Variants in SLC9B1 observed in about 807,000 individuals in gnomAD.
The protein encoded by SLC9B1 is solute carrier family 9 member B1, also known as sodium/hydrogen exchanger 9B1.
SLC9B1 carries 32 observed loss-of-function variants against 51.7 expected under a neutral mutation model. That is an observed-to-expected ratio of 0.62 (90% CI 0.47 to 0.83). The LOEUF is 0.83. SLC9B1 is among the 40% of genes least tolerant of loss of function. The pLI is 0.00. For missense variants in SLC9B1, 406 were observed against 613.2 expected (o/e 0.66, Z 3.57); for synonymous variants, 145 against 212.7 (o/e 0.68, Z 2.77).
At position 102,885,295 on chromosome 4, in the gene SLC9B1, G is replaced by A. The variant is rs199702688; in HGVS notation, c.1366C>T (p.Arg456Trp). The A allele has an allele frequency of 7.1e-5, 115 of 1,613,958 alleles. No individual in the cohort carries two copies. The highest frequency in any genetic ancestry group is 1.8e-4 in the East Asian group (8 of 44,856). Residue 456 changes from arginine (R) to tryptophan (W), a missense_variant, in exon 12 of 12, where the codon CGG becomes TGG. Transcript: ENST00000394789. ...ACCTTGCAGTTCGTCCATTCCTCCC[G>A]AAGAAGAAACAACAGAAGGATAGCT... is the stretch of plus-strand genomic sequence containing the variant.
At chr4:102,942,360 G>T (rs537763597) in intron 6 of SLC9B1, among the ~76,000 whole-genome samples, 15 of 152,008 alleles carry the variant, frequency 9.9e-5, no homozygotes, top group African/African-American at 3.6e-4. Flanking sequence ...AAAATAGCCC[G>T]CATAACCAAA....
intron 1 of SLC9B1, among the ~76,000 whole-genome samples, chr4:102,994,896 C>A (rs995398423): frequency 2.0e-5 from 3 of 152,134 alleles, no homozygotes; most frequent in African/African-American, 7.2e-5. Flanking sequence ...CCTCATTGTT[C>A]CACCCCTGAC....
In SLC9B1 at chr4:102,910,515, A is replaced by G. The variant is rs554816459; in HGVS notation, c.1010T>C (p.Ile337Thr). 24 of 1,561,262 alleles carry G rather than the reference A, an allele frequency of 1.5e-5. No individual in the cohort carries two copies. The East Asian group carries it at 5.4e-4, about 35-fold the overall frequency. Residue 337 changes from isoleucine (I) to threonine (T), a missense_variant, in exon 9 of 12, where the codon ATT (isoleucine) becomes ACT (threonine). Transcript: ENST00000296422. ...CVSAVLGSQR[I>T]GLHGSGGLCT... ...TAATCCTCCAGATCCATGTAAACCA[A>G]TACGTTGGCTGCCTAAGACGGCAGA...
Position 102,905,595 on chromosome 4 carries a change from A to G in SLC9B1, c.1251T>C (p.Tyr417=), listed in dbSNP as rs372980936. ...TAAAACCAGCAAAGCACATCAATAG[A>G]TATGTGGTTAAAATTCGAACACATA... ...LALCVRILTT[Y]LLMCFAGFSF... is the part of the protein sequence containing the mutation. The change falls in exon 11 of 12, where the codon TAT becomes TAC. Residue 417 remains tyrosine, a synonymous_variant. Transcript: ENST00000296422. 5.9e-5 allele frequency: 95 copies of G among 1,610,872 alleles called. No homozygotes were observed. Among genetic ancestry groups the G allele is most frequent in the Admixed American group, 2.5e-4 (15 of 59,964 alleles).
intron 6 of SLC9B1, among the ~76,000 whole-genome samples, chr4:102,939,406 CAAAAAA>C (rs56014819): frequency 8.8e-5 from 6 of 68,256 alleles, no homozygotes; most frequent in African/African-American, 3.5e-4. Flanking sequence ...GTCTCTGAGC[CAAAAAA>C]AAAAAAAAAA....
At chr4:103,013,173 T>C (rs970669205) in intron 1 of SLC9B1, among the ~76,000 whole-genome samples, 8 of 152,248 alleles carry the variant, frequency 5.3e-5, no homozygotes, top group Admixed American at 4.6e-4. Flanking sequence ...ACCAGCTTTC[T>C]TTCTGGTTCT....
intron 6 of SLC9B1, among the ~76,000 whole-genome samples, chr4:102,936,056 C>G (rs989043444): frequency 6.6e-6 from 1 of 152,174 alleles, no homozygotes; most frequent in African/African-American, 2.4e-5. Context: ...ACTGGGAACA[C>G]CTCAGTGCTT....
At chr4:102,986,254 G>A in intron 3 of SLC9B1, among the ~76,000 whole-genome samples, 1 of 88,568 alleles carries the variant, frequency 1.1e-5, no homozygotes, top group African/African-American at 4.8e-5. Context: ...GGCTGGTGTT[G>A]TTTTTTTTTT....
chr4:102,904,784 C>T (rs1314568272), intron 11 of SLC9B1, among the ~76,000 whole-genome samples: 1 of 152,116 alleles, frequency 6.6e-6, no homozygotes, highest in East Asian at 1.9e-4. Context: ...GAGTTTGAGA[C>T]TAGCCTGGCC....
chr4:102,995,607 T>A (rs1249215443), intron 1 of SLC9B1, among the ~76,000 whole-genome samples: 1 of 152,016 alleles, frequency 6.6e-6, no homozygotes, highest in Non-Finnish European at 1.5e-5. Flanking sequence ...TTATACTGAG[T>A]CAAGCAATAT....
Position 102,989,938 on chromosome 4 carries a change from G to T in SLC9B1, c.73C>A (p.Leu25Ile). The T allele has an allele frequency of 6.3e-7, 1 of 1,575,536 alleles. No homozygotes were observed. Among genetic ancestry groups the T allele is most frequent in the South Asian group, 1.2e-5 (1 of 85,528 alleles). Residue 25 changes from leucine to isoleucine, a missense_variant, in exon 3 of 12, where the codon CTC becomes ATC. This residue lies in a region of SLC9B1 where 108 missense variants were observed against 94.5 expected (regional missense o/e 1.14). Transcript: ENST00000296422. ...TGTGCAGTATTATTAGGATCAATGAGACTCTGTAGTAAAACAAGAAAATCT... is the reference window on the plus strand; with the variant it reads ...TGTGCAGTATTATTAGGATCAATGATACTCTGTAGTAAAACAAGAAAATCT... ...NFQTSTTPQSLIDPNNTAQEE... is the reference protein window; with the variant it reads ...NFQTSTTPQSIIDPNNTAQEE...
chr4:102,905,773 ATTT>A, intron 10 of SLC9B1, 123 bp from the exon 11 acceptor site: 1 of 821,120 alleles, frequency 1.2e-6, no homozygotes, highest in Non-Finnish European at 1.9e-6. Flanking sequence ...TCATGTGCTT[ATTT>A]TTTACATAAA....
At chr4:102,921,623 A>T (rs1363132431) in intron 7 of SLC9B1, among the ~76,000 whole-genome samples, 1 of 152,242 alleles carries the variant, frequency 6.6e-6, no homozygotes, top group East Asian at 1.9e-4. Flanking sequence ...GGCAAACTGG[A>T]TAAAGAGTCA....
At chr4:102,974,523 A>G (rs1185715665) in intron 3 of SLC9B1, among the ~76,000 whole-genome samples, 2 of 152,136 alleles carry the variant, frequency 1.3e-5, no homozygotes, top group Non-Finnish European at 2.9e-5. Context: ...AATACTATAA[A>G]TGACTATATG....
intron 6 of SLC9B1, among the ~76,000 whole-genome samples, chr4:102,939,738 GT>G (rs1478865604): frequency 6.6e-6 from 1 of 152,242 alleles, no homozygotes; most frequent in African/African-American, 2.4e-5. Context: ...TGGGATGCAA[GT>G]TTGGTTCAAG....
chr4:102,996,593 A>T (rs1205702508), intron 1 of SLC9B1, among the ~76,000 whole-genome samples: 1 of 152,182 alleles, frequency 6.6e-6, no homozygotes, highest in Non-Finnish European at 1.5e-5. Flanking sequence ...TGAGGAAGAG[A>T]TCAAAGTTTA....
At position 102,932,199 on chromosome 4, in the gene SLC9B1, T is replaced by C; in HGVS notation, c.754A>G (p.Met252Val). The C allele has an allele frequency of 6.2e-7, 1 of 1,611,942 alleles. No individual in the cohort carries two copies. Among genetic ancestry groups the C allele is most frequent in the East Asian group, 2.2e-5 (1 of 44,864 alleles). The change falls in exon 7 of 12, where the codon ATG (methionine) becomes GTG (valine). Residue 252 changes from methionine (M) to valine (V), a missense_variant. Physicochemically the swap from Met to Val is conservative, Grantham distance 21. This residue lies in a region of SLC9B1 where 250 missense variants were observed against 394.1 expected (regional missense o/e 0.63). Coordinates refer to ENST00000296422, the MANE Select transcript of SLC9B1 (RefSeq NM_139173.4). ...ATGTCATCCATACTGCTAGCAGCCA[T>C]TAATAAGGTTGGAATGCCTTCCTCA... ...GVEEGIPTLL[M>V]AASSMDDILA...
chr4:103,006,025 C>T (rs1052191787), intron 1 of SLC9B1, among the ~76,000 whole-genome samples: 18 of 152,084 alleles, frequency 1.2e-4, no homozygotes, highest in East Asian at 5.8e-4. Context: ...CCTATCCTTA[C>T]GGCTAGAAGA....
intron 6 of SLC9B1, among the ~76,000 whole-genome samples, chr4:102,939,406 CAAAAAAAAAAAAAAAA>C (rs56014819): frequency 1.5e-5 from 1 of 68,256 alleles, no homozygotes; most frequent in East Asian, 4.7e-4. Flanking sequence ...GTCTCTGAGC[CAAAAAAAAAAAAAAAA>C]AAAAAAGCAA....
Sources: gnomAD v4.1 joint callset for allele counts (sites outside exome capture counted in the v4.1 genomes callset) on GRCh38, gnomAD v4.1.1 for gene constraint, gnomAD v4.1.1 regional missense constraint, MANE v1.5 for transcripts, NCBI Gene and HGNC (gene_info 2026-07-23, HGNC 2026-07-21) for gene names.